Variants in ZBTB8OS observed in about 807,000 individuals in gnomAD.
ZBTB8OS encodes tRNA-splicing ligase-activating factor archease.
Under a neutral mutation model 29.3 loss-of-function variants are expected in ZBTB8OS, and 16 were observed. That is an observed-to-expected ratio of 0.55 (90% CI 0.37 to 0.83). The LOEUF (loss-of-function observed/expected upper bound fraction) is 0.83, where lower values mean the gene tolerates loss of function less well. Ranked by LOEUF, ZBTB8OS falls within the 40% of genes least tolerant of loss-of-function variation. The probability of loss-of-function intolerance (pLI) is 0.00; values close to 1 mark genes in which losing one functional copy is unlikely to be tolerated. For synonymous variants in ZBTB8OS, 70 were observed against 64.6 expected (o/e 1.08, Z -0.40); for missense variants, 160 against 196.9 (o/e 0.81, Z 1.12).
intron 1 of ZBTB8OS, among the ~76,000 whole-genome samples, chr1:32,636,988 C>T (rs1319261158): frequency 1.3e-5 from 2 of 152,020 alleles, no homozygotes; most frequent in East Asian, 3.8e-4. Context: ...GTCTGTCTTC[C>T]AGCCTCTGTG....
At chr1:32,639,627 G>A (rs1001553686) in intron 1 of ZBTB8OS, among the ~76,000 whole-genome samples, 22 of 151,832 alleles carry the variant, frequency 1.4e-4, no homozygotes, top group African/African-American at 5.1e-4. Context: ...GCGTGGTAGT[G>A]CATGCCTGTA....
chr1:32,649,659 C>G (rs1269913851), intron 1 of ZBTB8OS, among the ~76,000 whole-genome samples: 2 of 140,562 alleles, frequency 1.4e-5, no homozygotes, highest in Non-Finnish European at 3.0e-5. Flanking sequence ...CACACACACA[C>G]ACACACACAT....
At chr1:32,650,720 C>A, upstream of ZBTB8OS, 1 of 949,192 alleles carries the variant, frequency 1.1e-6, no homozygotes, top group East Asian at 2.5e-5. Flanking sequence ...AGCCAAAACC[C>A]CATCTTCTGC....
chr1:32,627,782 A>ATCCTGGCAAT (rs1553184585), intron 5 of ZBTB8OS: 8 of 509,762 alleles, frequency 1.6e-5, no homozygotes, highest in Non-Finnish European at 2.8e-5. Flanking sequence ...CATACCTATA[A>ATCCTGGCAAT]TCCTGGCACT....
In ZBTB8OS at chr1:32,621,645, G is replaced by A; in HGVS notation, c.*217C>T. Reference sequence around the variant, plus strand: ...AAGGACCATAACTGTCCCTTGGGGGGTTGAAGAATTCTTTAAAGTGTGAAT... The same window carrying A: ...AAGGACCATAACTGTCCCTTGGGGGATTGAAGAATTCTTTAAAGTGTGAAT... On this transcript the variant is annotated 3_prime_UTR_variant, in exon 7 of 7. Transcript: ENST00000468695. The A allele has an allele frequency of 2.0e-6, 1 of 512,198 alleles. No individual in the cohort carries two copies. The highest frequency in any genetic ancestry group is 3.4e-6 in the Non-Finnish European group (1 of 294,118). The allele number at this position is 512,198 out of a possible 1,614,324, so 31.7% of individuals were successfully genotyped here.
intron 1 of ZBTB8OS, among the ~76,000 whole-genome samples, chr1:32,641,567 C>T (rs1239584111): frequency 1.4e-5 from 2 of 147,878 alleles, no homozygotes; most frequent in South Asian, 2.2e-4. Flanking sequence ...CCACCGCGCC[C>T]GGCCAATTAT....
rs549334758 is a variant in ZBTB8OS at position 32,629,819 on chromosome 1, C to T, written c.380+2008G>A. 5.8e-5 allele frequency among the ~76,000 whole-genome samples: 8 copies of T among 138,472 alleles called. No individual in the cohort carries two copies. In the South Asian group the frequency reaches 1.9e-3, roughly 32 times the overall value. 90.8% of individuals were successfully genotyped at this position (138,472 alleles called of 152,430 possible). A position where few individuals can be genotyped will look rare whatever the true frequency, so the allele number is the denominator to read the frequency against. On this transcript the variant is annotated intron_variant, in intron 5 of 6. Coordinates refer to ENST00000468695, the MANE Select transcript of ZBTB8OS (RefSeq NM_178547.5). Reference sequence around the variant, plus strand: ...CCAGGCTGGAGTGCAGTGGCACAATCTTGGCTCACTGCAACCTCTGCCTCC... The same window carrying T: ...CCAGGCTGGAGTGCAGTGGCACAATTTTGGCTCACTGCAACCTCTGCCTCC...
chr1:32,642,594 C>T (rs1646497413), intron 1 of ZBTB8OS, among the ~76,000 whole-genome samples: 1 of 150,294 alleles, frequency 6.7e-6, no homozygotes. Flanking sequence ...ATTAACATAG[C>T]TAGATCTTTT....
intron 1 of ZBTB8OS, among the ~76,000 whole-genome samples, chr1:32,649,929 GC>G (rs1647194232): frequency 6.6e-6 from 1 of 152,098 alleles, no homozygotes; most frequent in African/African-American, 2.4e-5. Flanking sequence ...CTCCCAAAGT[GC>G]TGGGATCACA....
At chr1:32,650,600 T>C (rs1266845644), upstream of ZBTB8OS, 14 of 1,613,054 alleles carry the variant, frequency 8.7e-6, no homozygotes, top group Admixed American at 2.2e-4. Flanking sequence ...CTACTTCCGC[T>C]CTAGACTCCG....
rs1418393453 is a variant in ZBTB8OS, at chr1:32,632,041, G to A, written c.328-162C>T. 15 of 329,588 alleles carry A rather than the reference G, an allele frequency of 4.6e-5. No individual in the cohort carries two copies. In the Admixed American group the frequency reaches 7.2e-4, roughly 16 times the overall value. The allele number at this position is 329,588 out of a possible 1,614,324, so 20.4% of individuals were successfully genotyped here. ...TTTTGAGATGGAGCCTTACTCCATCGCCCAGGCTGGAGTACAGTGGCGTGA... is the reference window on the plus strand; with the variant it reads ...TTTTGAGATGGAGCCTTACTCCATCACCCAGGCTGGAGTACAGTGGCGTGA... On this transcript the variant is annotated intron_variant, in intron 4 of 6. Transcript: ENST00000468695.
At chr1:32,635,400 T>C (rs2148387479) in intron 1 of ZBTB8OS, among the ~76,000 whole-genome samples, 1 of 152,028 alleles carries the variant, frequency 6.6e-6, no homozygotes, top group East Asian at 1.9e-4. Context: ...GCCTCCTGAG[T>C]AGCTGGGATT....
intron 1 of ZBTB8OS, among the ~76,000 whole-genome samples, chr1:32,644,725 T>TG (rs1465029431): frequency 1.4e-5 from 2 of 147,912 alleles, no homozygotes; most frequent in Non-Finnish European, 3.0e-5. Flanking sequence ...TTTTTTTTTT[T>TG]TGTAGAGATG....
At chr1:32,643,730 C>T (rs981176391) in intron 1 of ZBTB8OS, among the ~76,000 whole-genome samples, 1 of 151,586 alleles carries the variant, frequency 6.6e-6, no homozygotes, top group Non-Finnish European at 1.5e-5. Flanking sequence ...CTCCTGACCT[C>T]GTAATCCGCC....
intron 3 of ZBTB8OS, 62 bp downstream of exon 3, chr1:32,633,889 A>C: frequency 6.6e-7 from 1 of 1,519,236 alleles, no homozygotes; most frequent in Non-Finnish European, 8.8e-7. Context: ...GATTATGTAG[A>C]ATACTGCACA....
At chr1:32,645,523 T>C (rs911319207) in intron 1 of ZBTB8OS, among the ~76,000 whole-genome samples, 4 of 152,142 alleles carry the variant, frequency 2.6e-5, no homozygotes, top group African/African-American at 9.7e-5. Context: ...GGTGCTGCTG[T>C]CTCAATTTGT....
At position 32,644,534 on chromosome 1, in the gene ZBTB8OS, CT is replaced by C. The variant is rs57960226; in HGVS notation, c.97+5898del. Among the ~76,000 whole-genome samples the C allele has an allele frequency of 0.011, 1,427 of 127,020 alleles. 75 individuals are homozygous for C. The East Asian group carries it at 0.17, about 15-fold the overall frequency. 83.3% of individuals were successfully genotyped at this position (127,020 alleles called of 152,430 possible). A position where few individuals can be genotyped will look rare whatever the true frequency, so the allele number is the denominator to read the frequency against. On this transcript the variant is annotated intron_variant, in intron 1 of 6. Transcript: ENST00000468695. Reference sequence around the variant, plus strand: ...TCCTAAGAATGTTCTTTTCTTTTTCCTTTTTTTTTTTTTTTTTTGGAGTCAG... The same window carrying C: ...TCCTAAGAATGTTCTTTTCTTTTTCCTTTTTTTTTTTTTTTTTGGAGTCAG...
chr1:32,647,963 T>A (rs1285487961), intron 1 of ZBTB8OS, among the ~76,000 whole-genome samples: 1 of 151,954 alleles, frequency 6.6e-6, no homozygotes. Flanking sequence ...GCCAAAAAGG[T>A]TGGGGACCGC....
In ZBTB8OS at chr1:32,650,446, A is replaced by G. The variant is rs1163467235; in HGVS notation, c.84T>C (p.Asn28=). The G allele has an allele frequency of 4.3e-6, 7 of 1,614,140 alleles. No individual in the cohort carries two copies. Among genetic ancestry groups the G allele is most frequent in the Non-Finnish European group, 5.1e-6 (6 of 1,180,016 alleles). ...CCACCTACTCACACTCGTACTTCCT[A>G]TTGACTGGCGGATACTTGGCCTTGA... is the stretch of plus-strand genomic sequence containing the variant. ...KAIKAKYPPV[N]RKYEYLDHTA... The change falls in exon 1 of 7, where the codon AAT becomes AAC. Residue 28 remains asparagine (N), a synonymous_variant. Transcript: ENST00000468695.
Sources: allele counts gnomAD v4.1 joint callset (sites outside exome capture counted in the v4.1 genomes callset), GRCh38; gene constraint gnomAD v4.1.1; transcripts MANE v1.5; gene names NCBI Gene and HGNC (gene_info 2026-07-23, HGNC 2026-07-21).